SDK2: variants seen among roughly 807,000 people sequenced by gnomAD.
SDK2 encodes sidekick cell adhesion molecule 2, also known as protein sidekick-2.
SDK2 carries 105 observed loss-of-function variants against 253.9 expected under a neutral mutation model. The ratio of observed to expected loss-of-function variants is 0.41; its 90% CI spans 0.35 to 0.49. The LOEUF (loss-of-function observed/expected upper bound fraction) is 0.49. SDK2 is among the 20% of genes least tolerant of loss of function. The probability of loss-of-function intolerance (pLI) is 0.06; values close to 1 mark genes in which losing one functional copy is unlikely to be tolerated. For synonymous variants in SDK2, 1,249 were observed against 1,234.9 expected (o/e 1.01, Z -0.24); for missense variants, 2,608 against 3,003.0 (o/e 0.87, Z 3.07).
chr17:73,573,664 A>G (rs1234780615), intron 1 of SDK2, among the ~76,000 whole-genome samples: 3 of 152,126 alleles, frequency 2.0e-5, no homozygotes, highest in African/African-American at 7.2e-5. Flanking sequence ...GCCTCCTCCC[A>G]GGCATGCCTG....
intron 18 of SDK2, among the ~76,000 whole-genome samples, chr17:73,406,366 C>A (rs1449813122): frequency 2.0e-5 from 3 of 151,792 alleles, no homozygotes; most frequent in Non-Finnish European, 4.4e-5. Context: ...GCCTCAGCCT[C>A]CTGAATAGCT....
rs2046244272 is a variant in SDK2, at chr17:73,629,608, C to T, written c.64+14417G>A. 6.6e-6 allele frequency among the ~76,000 whole-genome samples: 1 copy of T among 152,168 alleles called. No individual in the cohort carries two copies. Among genetic ancestry groups the T allele is most frequent in the Non-Finnish European group, 1.5e-5 (1 of 68,024 alleles). On this transcript the variant is annotated intron_variant, in intron 1 of 44. Coordinates refer to ENST00000392650, the MANE Select transcript of SDK2 (RefSeq NM_001144952.2). This position sits in a 1 kb window ranked among gnomAD's most constrained non-coding sequence, Gnocchi z 5.0. Reference sequence around the variant, plus strand: ...CCTCCCATCCTACAAGACTCAGCTTCTATGTTACCTCCTCCTCTGGGGCAG... The same window carrying T: ...CCTCCCATCCTACAAGACTCAGCTTTTATGTTACCTCCTCCTCTGGGGCAG...
At chr17:73,562,894 G>A (rs938422165) in intron 1 of SDK2, among the ~76,000 whole-genome samples, 9 of 152,214 alleles carry the variant, frequency 5.9e-5, no homozygotes, top group African/African-American at 1.7e-4. Flanking sequence ...ATTTGATGAT[G>A]GGTAAATTGA....
intron 2 of SDK2, among the ~76,000 whole-genome samples, chr17:73,482,207 G>T (rs1322142881): frequency 6.6e-6 from 1 of 152,120 alleles, no homozygotes; most frequent in African/African-American, 2.4e-5. Flanking sequence ...CCAGGGAGTT[G>T]GAGGTTGCAG....
intron 1 of SDK2, among the ~76,000 whole-genome samples, chr17:73,559,745 T>A (rs984307265): frequency 6.6e-6 from 1 of 152,074 alleles, no homozygotes; most frequent in African/African-American, 2.4e-5. Context: ...CTTCCCTACC[T>A]CCCTGTCCTG....
chr17:73,521,797 G>A (rs904931547), intron 1 of SDK2, among the ~76,000 whole-genome samples: 3 of 152,140 alleles, frequency 2.0e-5, no homozygotes, highest in Admixed American at 1.3e-4. Flanking sequence ...GTCTCCTGGC[G>A]CGTACCAGGA....
Position 73,589,239 on chromosome 17 carries a change from T to C in SDK2, c.64+54786A>G, listed in dbSNP as rs969193046. 1.1e-4 allele frequency among the ~76,000 whole-genome samples: 17 copies of C among 152,384 alleles called. No individual in the cohort carries two copies. The East Asian group carries it at 2.5e-3, about 22-fold the overall frequency. On this transcript the variant is annotated intron_variant, in intron 1 of 44. Coordinates refer to ENST00000392650, the MANE Select transcript of SDK2 (RefSeq NM_001144952.2). ...TCACGCTCCAGCTCACAGTGATGAA[T>C]GCACGTGAGTGCAGGTGCACACACA...
At chr17:73,468,080 G>C (rs1012150334) in intron 3 of SDK2, among the ~76,000 whole-genome samples, 17 of 152,208 alleles carry the variant, frequency 1.1e-4, no homozygotes, top group Admixed American at 9.2e-4. Context: ...GGGGCTTTGA[G>C]GGGGCTGCTG....
chr17:73,492,864 A>C (rs1346442168), intron 2 of SDK2, among the ~76,000 whole-genome samples: 1 of 152,180 alleles, frequency 6.6e-6, no homozygotes, highest in Non-Finnish European at 1.5e-5. Flanking sequence ...CCCAGGAAGC[A>C]GGGGTCATTA....
At chr17:73,400,513 C>T (rs539815343) in intron 21 of SDK2, among the ~76,000 whole-genome samples, 3 of 152,108 alleles carry the variant, frequency 2.0e-5, no homozygotes, top group Non-Finnish European at 4.4e-5. Context: ...GAGGATGCAG[C>T]AGGGAGCCAG....
chr17:73,595,829 G>A (rs569710962), intron 1 of SDK2, among the ~76,000 whole-genome samples: 1 of 152,332 alleles, frequency 6.6e-6, no homozygotes, highest in African/African-American at 2.4e-5. Context: ...GGCAGCCAGG[G>A]GGGCTGAGAG....
chr17:73,401,681 G>A lies in SDK2; in HGVS notation c.2752C>T (p.Pro918Ser). The change falls in exon 20 of 45, where the codon CCG becomes TCG. Residue 918 changes from proline (P) to serine (S), a missense_variant. Pro to Ser is a moderately conservative substitution (Grantham distance 74, BLOSUM62 -1). Coordinates refer to ENST00000392650, the MANE Select transcript of SDK2 (RefSeq NM_001144952.2). ...GTGAGGATGCCATTTTTCTCTCCCG[G>A]CTCTTGCCAGCTGACCTTCAGCGAT... ...DTSLKVSWQEPGEKNGILTGY... is the reference protein window; with the variant it reads ...DTSLKVSWQESGEKNGILTGY... The A allele has an allele frequency of 1.9e-6, 3 of 1,594,370 alleles. No homozygotes were observed. The highest frequency in any genetic ancestry group is 2.3e-5 in the South Asian group (2 of 87,454).
At chr17:73,579,584 A>T (rs539229097) in intron 1 of SDK2, among the ~76,000 whole-genome samples, 1 of 152,334 alleles carries the variant, frequency 6.6e-6, no homozygotes, top group South Asian at 2.1e-4. Flanking sequence ...GCACCTCAGC[A>T]TGCAGCAGTG....
chr17:73,475,675 AAAGT>A (rs1190072266), intron 2 of SDK2, among the ~76,000 whole-genome samples: 3 of 152,242 alleles, frequency 2.0e-5, no homozygotes, highest in Non-Finnish European at 4.4e-5. Flanking sequence ...GCATGGAAAG[AAAGT>A]AAGAGCTGGG....
In SDK2 at chr17:73,379,435, G is replaced by T. The variant is rs777318693; in HGVS notation, c.4864+13C>A. 2 of 1,586,110 alleles carry T rather than the reference G, an allele frequency of 1.3e-6. No homozygotes were observed. Among genetic ancestry groups the T allele is most frequent in the Non-Finnish European group, 1.7e-6 (2 of 1,161,392 alleles). ...AAGGCATGCTGGGGCCGGACAGGGC[G>T]GGCGCTGCTCACCTGCCTCCCCAAC... On this transcript the variant is annotated intron_variant, in intron 35 of 44. Transcript: ENST00000392650. This position sits in a 1 kb window ranked among gnomAD's most constrained non-coding sequence, Gnocchi z 4.5.
chr17:73,499,795 A>G (rs1008649034), intron 2 of SDK2, among the ~76,000 whole-genome samples: 2 of 151,980 alleles, frequency 1.3e-5, no homozygotes, highest in African/African-American at 4.8e-5. Flanking sequence ...ACGGCAGTAA[A>G]GGACTTGGCA....
At position 73,481,247 on chromosome 17, in the gene SDK2, C is replaced by T. The variant is rs754772581; in HGVS notation, c.225-9029G>A. ...ACAGACACTGGGATAGGGAAGGATTCTGTGTCCCTCGGAGGAGGGGGGACT... is the reference window on the plus strand; with the variant it reads ...ACAGACACTGGGATAGGGAAGGATTTTGTGTCCCTCGGAGGAGGGGGGACT... On this transcript the variant is annotated intron_variant, in intron 2 of 44. Transcript: ENST00000392650. This position sits in a 1 kb window ranked among gnomAD's most constrained non-coding sequence, Gnocchi z 4.5. 6.6e-6 allele frequency among the ~76,000 whole-genome samples: 1 copy of T among 152,170 alleles called. No individual in the cohort carries two copies. Among genetic ancestry groups the T allele is most frequent in the Non-Finnish European group, 1.5e-5 (1 of 68,020 alleles).
chr17:73,430,371 C>T, intron 12 of SDK2, 140 bp downstream of exon 12: 1 of 642,654 alleles, frequency 1.6e-6, no homozygotes, highest in Admixed American at 2.6e-5. Context: ...GCCCTGCACT[C>T]AGCTCTGGAA....
chr17:73,433,955 C>T, intron 9 of SDK2, 107 bp from the exon 10 acceptor site: 1 of 708,750 alleles, frequency 1.4e-6, no homozygotes, highest in Non-Finnish European at 2.3e-6. Context: ...TCATCCTCCC[C>T]CTGCCATGGT....
Sources: gnomAD v4.1 joint callset for allele counts (sites outside exome capture counted in the v4.1 genomes callset) on GRCh38, gnomAD v4.1.1 for gene constraint, Gnocchi (gnomAD v3.1) non-coding constraint, MANE v1.5 for transcripts, NCBI Gene and HGNC (gene_info 2026-07-23, HGNC 2026-07-21) for gene names.